Variants in ADGRL3 observed in about 807,000 individuals in gnomAD.
The protein encoded by ADGRL3 is calcium-independent alpha-latrotoxin receptor 3.
In ADGRL3, 62 loss-of-function variants were observed where a neutral mutation model predicts 153.5. The observed-to-expected ratio is 0.40, with a 90% confidence interval of 0.33 to 0.50. The LOEUF (loss-of-function observed/expected upper bound fraction) is 0.50, where lower values mean the gene tolerates loss of function less well. Among genes scored for constraint, ADGRL3 ranks in the 20% least tolerant of loss-of-function variants. The pLI, the probability that ADGRL3 is intolerant of heterozygous loss-of-function variation, is 0.47. For missense variants in ADGRL3, 1,641 were observed against 1,859.4 expected, an observed-to-expected ratio of 0.88 and a Z score of 2.16; for synonymous variants, 710 against 672.5, an observed-to-expected ratio of 1.06 and a Z score of -0.86.
At chr4:61,477,442 G>A (rs1469128111) in intron 2 of ADGRL3, among the ~76,000 whole-genome samples, 3 of 152,100 alleles carry the variant, frequency 2.0e-5, no homozygotes, top group African/African-American at 4.8e-5. Flanking sequence ...GATCGGTAAA[G>A]ACATTAACAT....
At chr4:61,361,986 A>C (rs1419099090) in intron 1 of ADGRL3, among the ~76,000 whole-genome samples, 3 of 148,786 alleles carry the variant, frequency 2.0e-5, no homozygotes, top group Non-Finnish European at 4.5e-5. Flanking sequence ...ATATATAAAA[A>C]TATATATATA....
chr4:61,934,779 G>T, intron 13 of ADGRL3, 61 bp from the exon 14 acceptor site: 5 of 1,360,594 alleles, frequency 3.7e-6, no homozygotes. Context: ...TGTACACCTG[G>T]ATTTCTGACA....
chr4:62,040,417 A>G (rs759317055), intron 24 of ADGRL3, among the ~76,000 whole-genome samples: 5 of 152,226 alleles, frequency 3.3e-5, no homozygotes, highest in Admixed American at 6.6e-5. Context: ...ATGTAAGGTT[A>G]TAGTTACTTA....
At position 62,008,703 on chromosome 4, in the gene ADGRL3, A is replaced by G. The variant is rs571651824; in HGVS notation, c.3395+10438A>G. Among the ~76,000 whole-genome samples the G allele has an allele frequency of 1.1e-4, 17 of 151,456 alleles. No individual in the cohort carries two copies. In the South Asian group the frequency reaches 3.1e-3, roughly 28 times the overall value. On this transcript the variant is annotated intron_variant, in intron 21 of 26. Coordinates refer to ENST00000683033, the MANE Select transcript of ADGRL3 (RefSeq NM_001387552.1). ...AATTAATATTCCAATTATAAAATCT[A>G]TTTATATCTATATGTATATATGCAT...
At chr4:61,646,725 T>C (rs2094005794) in intron 5 of ADGRL3, among the ~76,000 whole-genome samples, 1 of 152,268 alleles carries the variant, frequency 6.6e-6, no homozygotes, top group South Asian at 2.1e-4. Flanking sequence ...TACTGCTGTC[T>C]TTTTGTTTGT....
intron 17 of ADGRL3, among the ~76,000 whole-genome samples, chr4:61,964,087 A>G (rs962884466): frequency 3.3e-5 from 5 of 152,242 alleles, no homozygotes; most frequent in Non-Finnish European, 7.3e-5. Context: ...AATTCAGGAA[A>G]GTAGGAATAA....
chr4:61,724,263 AATT>A (rs1580462125), intron 6 of ADGRL3, among the ~76,000 whole-genome samples: 1 of 152,174 alleles, frequency 6.6e-6, no homozygotes, highest in Admixed American at 6.5e-5. Context: ...AACTTCGAAA[AATT>A]ATTATTTTTA....
At chr4:61,308,985 T>A (rs1473624726) in intron 1 of ADGRL3, among the ~76,000 whole-genome samples, 1 of 152,188 alleles carries the variant, frequency 6.6e-6, no homozygotes, top group African/African-American at 2.4e-5. Flanking sequence ...GTAATATATA[T>A]GTTTGGCAAG....
intron 8 of ADGRL3, among the ~76,000 whole-genome samples, chr4:61,785,721 G>T (rs2097268649): frequency 6.6e-6 from 1 of 152,136 alleles, no homozygotes; most frequent in African/African-American, 2.4e-5. Context: ...CATTATCAGA[G>T]ATGTATTCTG....
At chr4:61,514,026 C>T (rs1050693287) in intron 3 of ADGRL3, among the ~76,000 whole-genome samples, 1 of 152,094 alleles carries the variant, frequency 6.6e-6, no homozygotes, top group Admixed American at 6.5e-5. Context: ...TTGAAAGAAT[C>T]CTTTCTCTTA....
chr4:61,722,146 T>C (rs2151655337), intron 6 of ADGRL3, among the ~76,000 whole-genome samples: 1 of 152,328 alleles, frequency 6.6e-6, no homozygotes, highest in African/African-American at 2.4e-5. Flanking sequence ...AAGTAGTAAG[T>C]AATGTGATAA....
At chr4:61,657,125 C>T (rs2094462694) in intron 5 of ADGRL3, among the ~76,000 whole-genome samples, 1 of 152,140 alleles carries the variant, frequency 6.6e-6, no homozygotes, top group Non-Finnish European at 1.5e-5. Context: ...CCTCTCTGCT[C>T]TTGTGATTGT....
chr4:61,781,806 G>A lies in ADGRL3; in HGVS notation c.1400-32003G>A, dbSNP rs572661531. Among the ~76,000 whole-genome samples the A allele has an allele frequency of 9.9e-5, 15 of 152,130 alleles. No individual in the cohort carries two copies. The East Asian group carries it at 1.9e-3, about 20-fold the overall frequency. On this transcript the variant is annotated intron_variant, in intron 8 of 26. Transcript: ENST00000683033. Reference sequence around the variant, plus strand: ...AAAGTAAAGCTTAAAATATGAATCCGTTTCTTGTTTCACTAATAGCCATCA... The same window carrying A: ...AAAGTAAAGCTTAAAATATGAATCCATTTCTTGTTTCACTAATAGCCATCA...
chr4:61,698,983 C>T (rs1561083595), intron 6 of ADGRL3, among the ~76,000 whole-genome samples: 1 of 152,122 alleles, frequency 6.6e-6, no homozygotes, highest in African/African-American at 2.4e-5. Context: ...TAGGGACTTC[C>T]ATTTATACTT....
At chr4:61,216,937 A>G (rs1193364067) in intron 1 of ADGRL3, among the ~76,000 whole-genome samples, 1 of 152,192 alleles carries the variant, frequency 6.6e-6, no homozygotes, top group East Asian at 1.9e-4. Context: ...TATTTGTGTT[A>G]ATTTTTCATC....
intron 13 of ADGRL3, among the ~76,000 whole-genome samples, chr4:61,921,077 A>G (rs1314170729): frequency 6.6e-6 from 1 of 152,062 alleles, no homozygotes; most frequent in Non-Finnish European, 1.5e-5. Context: ...AACCCTAGAT[A>G]TAGATAAAAA....
intron 1 of ADGRL3, among the ~76,000 whole-genome samples, chr4:61,280,820 C>A (rs1320103956): frequency 6.6e-6 from 1 of 152,078 alleles, no homozygotes; most frequent in South Asian, 2.1e-4. Context: ...TGTAATATAT[C>A]CACTTAGCAA....
At chr4:61,220,080 C>A (rs1272177840) in intron 1 of ADGRL3, among the ~76,000 whole-genome samples, 10 of 147,906 alleles carry the variant, frequency 6.8e-5, no homozygotes, top group African/African-American at 2.5e-4. Flanking sequence ...CCATTGCACT[C>A]CAGCCTGGGC....
chr4:61,420,082 G>T (rs974300609), intron 2 of ADGRL3, among the ~76,000 whole-genome samples: 4 of 151,850 alleles, frequency 2.6e-5, no homozygotes, highest in Admixed American at 6.6e-5. Flanking sequence ...GATTACAGGC[G>T]TGAGCCACCA....
Sources: gnomAD v4.1 joint callset for allele counts (sites outside exome capture counted in the v4.1 genomes callset) on GRCh38, gnomAD v4.1.1 for gene constraint, MANE v1.5 for transcripts, NCBI Gene and HGNC (gene_info 2026-07-23, HGNC 2026-07-21) for gene names.